NEIL3: variants seen among roughly 807,000 people sequenced by gnomAD.
NEIL3 encodes the protein nei like DNA glycosylase 3.
A neutral mutation model predicts 57.5 loss-of-function variants in NEIL3; 48 were observed. The observed-to-expected ratio is 0.83, with a 90% CI of 0.66 to 1.06. NEIL3 has a LOEUF of 1.06. NEIL3 is among the 50% of genes least tolerant of loss of function. The pLI is 0.00. For synonymous variants in NEIL3, 261 were observed against 253.2 expected (o/e 1.03, Z -0.29); for missense variants, 717 against 739.1 (o/e 0.97, Z 0.35).
At chr4:177,363,490 A>G (rs184477192), downstream of NEIL3, among the ~76,000 whole-genome samples, 1 of 152,324 alleles carries the variant, frequency 6.6e-6, no homozygotes, top group East Asian at 1.9e-4. Flanking sequence ...CAGTGACTCT[A>G]CAGAACAGAC....
At chr4:177,339,916 G>C in intron 5 of NEIL3, 59 bp downstream of exon 5, 1 of 1,168,924 alleles carries the variant, frequency 8.6e-7, no homozygotes, top group Non-Finnish European at 1.3e-6. Context: ...TCCTTTTGGA[G>C]TGCACCAAAA....
chr4:177,360,385 G>T, intron 8 of NEIL3, 118 bp from the exon 9 acceptor site: 1 of 629,462 alleles, frequency 1.6e-6, no homozygotes, highest in Non-Finnish European at 2.6e-6. Context: ...TGTTAACGAG[G>T]TCCACTTTTT....
intron 8 of NEIL3, among the ~76,000 whole-genome samples, chr4:177,358,121 A>C (rs1252289014): frequency 6.6e-6 from 1 of 152,112 alleles, no homozygotes; most frequent in Non-Finnish European, 1.5e-5. Flanking sequence ...TCATAACTTA[A>C]TGTGCATATG....
Position 177,315,347 on chromosome 4 carries a change from A to C in NEIL3, c.156+5238A>C, listed in dbSNP as rs538324623. On this transcript the variant is annotated intron_variant, in intron 1 of 9. Transcript: ENST00000264596. The stretch of plus-strand genomic sequence containing the variant: ...GTTGTTTTGAAGATTTCATATTATT[A>C]AGCCACTTGAAAATGGGAAGGTGAA... Among the ~76,000 whole-genome samples the C allele has an allele frequency of 9.2e-5, 14 of 152,324 alleles. No individual in the cohort carries two copies. In the East Asian group the frequency reaches 2.7e-3, roughly 29 times the overall value.
chr4:177,365,969 G>T (rs1308337217), downstream of NEIL3, among the ~76,000 whole-genome samples: 1 of 152,138 alleles, frequency 6.6e-6, no homozygotes, highest in East Asian at 1.9e-4. Context: ...TTAGAGGAAA[G>T]ACAACCAAGA....
At chr4:177,347,994 G>A (rs1388129362) in intron 6 of NEIL3, among the ~76,000 whole-genome samples, 3 of 151,844 alleles carry the variant, frequency 2.0e-5, no homozygotes, top group South Asian at 2.1e-4. Flanking sequence ...CTTTTATTAC[G>A]GCTAGATGAG....
intron 7 of NEIL3, among the ~76,000 whole-genome samples, chr4:177,352,398 A>G (rs1735375389): frequency 6.6e-6 from 1 of 152,226 alleles, no homozygotes; most frequent in South Asian, 2.1e-4. Flanking sequence ...AACATTCTGA[A>G]ATGCATTTAT....
chr4:177,345,347 A>G (rs993619308), intron 6 of NEIL3, among the ~76,000 whole-genome samples: 6 of 152,332 alleles, frequency 3.9e-5, no homozygotes, highest in African/African-American at 1.4e-4. Flanking sequence ...TGCTGCACAC[A>G]GGATATTTTG....
At chr4:177,367,558 C>A (rs931787061), downstream of NEIL3, among the ~76,000 whole-genome samples, 1 of 152,092 alleles carries the variant, frequency 6.6e-6, no homozygotes, top group African/African-American at 2.4e-5. Flanking sequence ...GCTATTGTCC[C>A]ACATCAACCA....
chr4:177,336,337 T>A lies in NEIL3; in HGVS notation c.627+16T>A, dbSNP rs771970862. ...AGCTGTTAAAGTAAGTTTTAAGTATTTTTTTAATTATCTGTTGATTTTTCG... is the reference window on the plus strand; with the variant it reads ...AGCTGTTAAAGTAAGTTTTAAGTATATTTTTAATTATCTGTTGATTTTTCG... On this transcript the variant is annotated intron_variant, in intron 4 of 9. Transcript: ENST00000264596. The A allele has an allele frequency of 1.2e-6, 2 of 1,603,686 alleles. No homozygotes were observed. Among genetic ancestry groups the A allele is most frequent in the South Asian group, 2.2e-5 (2 of 90,102 alleles).
chr4:177,365,561 A>C (rs1293094047), downstream of NEIL3, among the ~76,000 whole-genome samples: 4 of 152,270 alleles, frequency 2.6e-5, no homozygotes, highest in Non-Finnish European at 5.9e-5. Context: ...AAAAAGAAAA[A>C]AAATTTACTC....
intron 9 of NEIL3, 47 bp from the exon 10 acceptor site, chr4:177,362,242 A>G: frequency 6.7e-7 from 1 of 1,497,096 alleles, no homozygotes; most frequent in South Asian, 1.3e-5. Flanking sequence ...CCTGTACATC[A>G]TGATAACTTT....
chr4:177,335,164 G>A (rs1734951044), intron 2 of NEIL3, among the ~76,000 whole-genome samples: 1 of 152,076 alleles, frequency 6.6e-6, no homozygotes. Flanking sequence ...AACAAGGGGG[G>A]AAAAGAGCAT....
chr4:177,346,314 G>A (rs1277200738), intron 6 of NEIL3, among the ~76,000 whole-genome samples: 1 of 151,668 alleles, frequency 6.6e-6, no homozygotes, highest in East Asian at 2.0e-4. Flanking sequence ...CAACAGGCAT[G>A]CACCATCATG....
At chr4:177,340,815 C>G (rs536029501) in intron 5 of NEIL3, among the ~76,000 whole-genome samples, 176 of 152,052 alleles carry the variant, frequency 1.2e-3, no homozygotes, top group Non-Finnish European at 2.0e-3. Flanking sequence ...TTTGTAGGAG[C>G]CTTAAATATT....
chr4:177,341,954 C>T (rs1735103432), intron 6 of NEIL3, among the ~76,000 whole-genome samples: 1 of 152,116 alleles, frequency 6.6e-6, no homozygotes, highest in South Asian at 2.1e-4. Flanking sequence ...ATGCAACTAC[C>T]TTCAAAAGTC....
At chr4:177,341,164 G>A (rs148824264) in intron 5 of NEIL3, among the ~76,000 whole-genome samples, 1 of 152,178 alleles carries the variant, frequency 6.6e-6, no homozygotes, top group East Asian at 1.9e-4. Flanking sequence ...CCTTAAAAGT[G>A]TAAAAGACAT....
downstream of NEIL3, among the ~76,000 whole-genome samples, chr4:177,366,076 A>T (rs1183501586): frequency 1.3e-5 from 2 of 152,232 alleles, no homozygotes; most frequent in Admixed American, 6.5e-5. Flanking sequence ...AGGGAAATAA[A>T]GCCAGGTGGA....
At chr4:177,353,237 A>G (rs1445380833) in intron 7 of NEIL3, 71 bp from the exon 8 acceptor site, 7 of 1,309,990 alleles carry the variant, frequency 5.3e-6, no homozygotes, top group Non-Finnish European at 6.4e-6. Flanking sequence ...TAATCAAATA[A>G]AAAGATGTTT....
Sources: allele counts gnomAD v4.1 joint callset (sites outside exome capture counted in the v4.1 genomes callset), GRCh38; gene constraint gnomAD v4.1.1; transcripts MANE v1.5; gene names NCBI Gene and HGNC (gene_info 2026-07-23, HGNC 2026-07-21).